Variants in GPC5 observed in about 807,000 individuals in gnomAD.
GPC5 encodes the protein glypican 5, also known as glypican-5.
A neutral mutation model predicts 53.9 loss-of-function variants in GPC5; 47 were observed. That is an observed-to-expected ratio of 0.87 (90% CI 0.69 to 1.11). The LOEUF (loss-of-function observed/expected upper bound fraction) is 1.11. Among genes scored for constraint, GPC5 ranks in the 50% most tolerant of loss-of-function variants. The pLI is 0.00. For missense variants in GPC5, 748 were observed against 713.1 expected (o/e 1.05, Z -0.56); for synonymous variants, 286 against 263.3 (o/e 1.09, Z -0.84).
intron 4 of GPC5, among the ~76,000 whole-genome samples, chr13:91,742,771 A>G (rs1320709769): frequency 6.6e-6 from 1 of 152,162 alleles, no homozygotes; most frequent in African/African-American, 2.4e-5. Flanking sequence ...CATTTATTCA[A>G]ACTCTTCAGG....
chr13:92,275,360 T>C lies in GPC5; in HGVS notation c.1561+130371T>C, dbSNP rs552057815. Among the ~76,000 whole-genome samples, 12 of 152,256 alleles carry C rather than the reference T, an allele frequency of 7.9e-5. No homozygotes were observed. In the South Asian group the frequency reaches 2.3e-3, roughly 29 times the overall value. On this transcript the variant is annotated intron_variant, in intron 7 of 7. Transcript: ENST00000377067. ...AAAATCCATTTAAAGGATTTCATCA[T>C]ATATTTGCCTCAACCTCTTGAAATA...
intron 7 of GPC5, chr13:92,509,789 T>C (rs1880498760): frequency 6.6e-6 from 1 of 152,288 alleles, no homozygotes; most frequent in East Asian, 1.9e-4. Flanking sequence ...TTTTTTGTCA[T>C]TGCTCACTTC....
chr13:92,074,966 T>G (rs891339769), intron 6 of GPC5, among the ~76,000 whole-genome samples: 1 of 152,054 alleles, frequency 6.6e-6, no homozygotes, highest in African/African-American at 2.4e-5. Flanking sequence ...TTTTTTATTT[T>G]TGCTTTGTAT....
At chr13:91,860,229 A>C (rs1168955604) in intron 5 of GPC5, among the ~76,000 whole-genome samples, 1 of 152,000 alleles carries the variant, frequency 6.6e-6, no homozygotes, top group Non-Finnish European at 1.5e-5. Context: ...CCTTCCTCTT[A>C]CGCTTCCCAG....
intron 2 of GPC5, among the ~76,000 whole-genome samples, chr13:91,608,021 C>T (rs2033428980): frequency 6.6e-6 from 1 of 152,068 alleles, no homozygotes; most frequent in African/African-American, 2.4e-5. Flanking sequence ...TGTAGAAATG[C>T]TATATGGAAC....
At chr13:92,520,074 A>G (rs548664850) in intron 7 of GPC5, among the ~76,000 whole-genome samples, 5 of 152,288 alleles carry the variant, frequency 3.3e-5, no homozygotes, top group Admixed American at 2.6e-4. Flanking sequence ...CCAAGACTAA[A>G]CCAGTAAGAA....
In GPC5 at chr13:91,693,377, T is replaced by A. The variant is rs201679042; in HGVS notation, c.516T>A (p.Pro172=). The A allele has an allele frequency of 6.2e-7, 1 of 1,614,172 alleles. No homozygotes were observed. The highest frequency in any genetic ancestry group is 2.2e-5 in the East Asian group (1 of 44,870). The change falls in exon 3 of 8, where the codon CCT becomes CCA. Residue 172 remains proline, a synonymous_variant. Coordinates refer to ENST00000377067, the MANE Select transcript of GPC5 (RefSeq NM_004466.6). ...FVNRFFDSLF[P]LVYNHLINPG... is the part of the protein sequence containing the mutation. ...ACAGATTTTTTGACAGTCTTTTTCC[T>A]CTGGTCTACAACCACCTCATTAACC...
rs1459526944 is a variant in GPC5 at position 92,413,609 on chromosome 13, T to C, written c.1561+268620T>C. Among the ~76,000 whole-genome samples, 5 of 152,114 alleles carry C rather than the reference T, an allele frequency of 3.3e-5. No individual in the cohort carries two copies. In the East Asian group the frequency reaches 9.6e-4, roughly 29 times the overall value. On this transcript the variant is annotated intron_variant, in intron 7 of 7. Coordinates refer to ENST00000377067, the MANE Select transcript of GPC5 (RefSeq NM_004466.6). The stretch of plus-strand genomic sequence containing the variant: ...GTGGGACAGATAAGAGGTTGTAAAT[T>C]TAAACAAAATGAGGATCAAGGGTAG...
At chr13:92,798,974 A>G (rs1368835527) in intron 7 of GPC5, among the ~76,000 whole-genome samples, 1 of 151,858 alleles carries the variant, frequency 6.6e-6, no homozygotes. Context: ...GAAAGAGTGC[A>G]TGAAATTGAT....
chr13:92,779,564 C>T (rs1192622927), intron 7 of GPC5, among the ~76,000 whole-genome samples: 2 of 152,054 alleles, frequency 1.3e-5, no homozygotes, highest in Non-Finnish European at 2.9e-5. Flanking sequence ...TCTAGGTTGC[C>T]CAGGCTTTTC....
At chr13:91,778,424 G>A (rs893531136) in intron 5 of GPC5, among the ~76,000 whole-genome samples, 1 of 152,030 alleles carries the variant, frequency 6.6e-6, no homozygotes, top group African/African-American at 2.4e-5. Flanking sequence ...TAATTTCCAG[G>A]GCTTTTCCTC....
chr13:91,408,020 C>T (rs1034336109), intron 1 of GPC5, among the ~76,000 whole-genome samples: 5 of 152,134 alleles, frequency 3.3e-5, no homozygotes, highest in Non-Finnish European at 7.4e-5. Flanking sequence ...GCTAATTAAA[C>T]TATGCATTAC....
intron 7 of GPC5, among the ~76,000 whole-genome samples, chr13:92,659,388 C>T: frequency 8.1e-6 from 1 of 123,952 alleles, no homozygotes; most frequent in East Asian, 2.4e-4. Context: ...GTTGCCTTTT[C>T]ATTTGGTTGA....
chr13:92,626,530 G>C (rs2139123676), intron 7 of GPC5, among the ~76,000 whole-genome samples: 1 of 152,306 alleles, frequency 6.6e-6, no homozygotes, highest in East Asian at 1.9e-4. Flanking sequence ...CAGGTGCACT[G>C]GGTGCTGTCT....
At chr13:92,545,338 G>A (rs1401229861) in intron 7 of GPC5, among the ~76,000 whole-genome samples, 1 of 152,126 alleles carries the variant, frequency 6.6e-6, no homozygotes, top group Non-Finnish European at 1.5e-5. Context: ...ATCTGGGTTG[G>A]TTCCAATTCT....
intron 5 of GPC5, among the ~76,000 whole-genome samples, chr13:91,780,163 C>T (rs948217445): frequency 4.6e-5 from 7 of 152,150 alleles, no homozygotes; most frequent in Non-Finnish European, 1.0e-4. Context: ...TGTAATCTTA[C>T]GGGACCACTG....
chr13:92,328,106 TC>T (rs2043264460), intron 7 of GPC5, among the ~76,000 whole-genome samples: 1 of 152,180 alleles, frequency 6.6e-6, no homozygotes, highest in Non-Finnish European at 1.5e-5. Context: ...AACAAGTGAT[TC>T]TTATTAAAAT....
intron 5 of GPC5, among the ~76,000 whole-genome samples, chr13:91,793,060 C>T (rs537736012): frequency 6.6e-6 from 1 of 152,232 alleles, no homozygotes; most frequent in South Asian, 2.1e-4. Flanking sequence ...TTAGTCTGTT[C>T]TCATTCTGCT....
At chr13:92,380,100 C>T (rs1476238123) in intron 7 of GPC5, among the ~76,000 whole-genome samples, 6 of 152,134 alleles carry the variant, frequency 3.9e-5, no homozygotes, top group African/African-American at 1.4e-4. Context: ...TTCAGCCTGC[C>T]ATTTTAATCT....
Sources: gnomAD v4.1 joint callset for allele counts (sites outside exome capture counted in the v4.1 genomes callset) on GRCh38, gnomAD v4.1.1 for gene constraint, MANE v1.5 for transcripts, NCBI Gene and HGNC (gene_info 2026-07-23, HGNC 2026-07-21) for gene names.